Variants in CDH11 observed in about 807,000 individuals in gnomAD.
The protein encoded by CDH11 is cadherin-11.
CDH11 carries 11 observed loss-of-function variants against 67.8 expected under a neutral mutation model. The ratio of observed to expected loss-of-function variants is 0.16; its 90% confidence interval spans 0.10 to 0.27. The LOEUF (loss-of-function observed/expected upper bound fraction) is 0.27, where lower values mean the gene tolerates loss of function less well. Among genes scored for constraint, CDH11 ranks in the 10% least tolerant of loss-of-function variants. The probability of loss-of-function intolerance (pLI) is 1.00; values close to 1 mark genes in which losing one functional copy is unlikely to be tolerated. For missense variants in CDH11, 847 were observed against 1,031.2 expected (o/e 0.82, Z 2.45); for synonymous variants, 419 against 400.0 (o/e 1.05, Z -0.57).
intron 2 of CDH11, among the ~76,000 whole-genome samples, chr16:65,012,048 T>A (rs10500506): frequency 0.11 from 16,918 of 152,270 alleles, 1,167 homozygotes; most frequent in African/African-American, 0.19. Flanking sequence ...ACCTCCAATA[T>A]GTAGACTGTT....
At chr16:65,088,210 A>G (rs1406419139) in intron 1 of CDH11, among the ~76,000 whole-genome samples, 1 of 152,128 alleles carries the variant, frequency 6.6e-6, no homozygotes, top group South Asian at 2.1e-4. Context: ...CTCACCAGAC[A>G]CCGAATCAGC....
chr16:65,002,528 C>T (rs2072943279), intron 3 of CDH11, among the ~76,000 whole-genome samples: 3 of 152,216 alleles, frequency 2.0e-5, no homozygotes. Flanking sequence ...ATTTCCATTT[C>T]TCACGTCAAC....
intron 8 of CDH11, among the ~76,000 whole-genome samples, chr16:64,980,571 T>TG (rs1327931106): frequency 6.6e-6 from 1 of 152,140 alleles, no homozygotes; most frequent in Non-Finnish European, 1.5e-5. Flanking sequence ...GAGGAACATG[T>TG]GAAGTCCAGG....
chr16:65,100,079 C>T (rs144999125), intron 1 of CDH11, among the ~76,000 whole-genome samples: 138 of 152,242 alleles, frequency 9.1e-4, no homozygotes, highest in African/African-American at 3.2e-3. Flanking sequence ...TCAGTAGTAA[C>T]TGGCAATGGA....
chr16:65,021,876 G>GAAAAAAAAAAAAAAAA (rs35700448), intron 2 of CDH11, among the ~76,000 whole-genome samples: 2 of 109,838 alleles, frequency 1.8e-5, no homozygotes, highest in Non-Finnish European at 1.8e-5. Flanking sequence ...AAGTAACTCA[G>GAAAAAAAAAAAAAAAA]AAAAAAAAAA....
intron 11 of CDH11, among the ~76,000 whole-genome samples, chr16:64,958,877 C>G (rs1236623890): frequency 6.6e-6 from 1 of 152,140 alleles, no homozygotes; most frequent in African/African-American, 2.4e-5. Flanking sequence ...ATCAGGGGTA[C>G]TCATTCAACA....
Position 64,947,970 on chromosome 16 carries a change from G to C in CDH11, c.2024C>G (p.Ala675Gly), listed in dbSNP as rs776609272. ...ATTCTGGAGGGTGGCAATATCAAAG[G>C]CTTCTGTGTCTTCTTCCCCACCCCC... ...DEGGGEEDTE[A>G]FDIATLQNPD... is the part of the protein sequence containing the mutation. Residue 675 changes from alanine to glycine, a missense_variant, in exon 13 of 13, where the codon GCC becomes GGC. Physicochemically the swap from Ala to Gly is moderately conservative, Grantham distance 60. Around this residue, in one of 2 missense-constraint regions of CDH11, gnomAD observed 612 missense variants for 678.7 expected, o/e 0.90. Transcript: ENST00000268603. 18 of 1,613,998 alleles carry C rather than the reference G, an allele frequency of 1.1e-5. No individual in the cohort carries two copies. The highest frequency in any genetic ancestry group is 6.7e-5 in the East Asian group (3 of 44,886).
Position 65,121,198 on chromosome 16 carries a change from C to T in CDH11, c.-298+682G>A, listed in dbSNP as rs1279630259. Among the ~76,000 whole-genome samples, 1 of 152,206 alleles carries T rather than the reference C, an allele frequency of 6.6e-6. No homozygotes were observed. On this transcript the variant is annotated intron_variant, in intron 1 of 12. Transcript: ENST00000268603. The surrounding 1 kb of genome is among the most constrained non-coding windows in gnomAD (Gnocchi z 4.1). ...GCGCTGGTGGGAGCTTACAAACGGG[C>T]GCCAGAGCTCCCGCAGAGACTCGGG...
chr16:64,948,613 A>G, intron 12 of CDH11: 1 of 1,610,026 alleles, frequency 6.2e-7, no homozygotes, highest in Non-Finnish European at 8.5e-7. Context: ...TCTTACCGTA[A>G]GTGTGGTTGG....
chr16:65,018,444 C>T (rs1476535463), intron 2 of CDH11, among the ~76,000 whole-genome samples: 2 of 152,116 alleles, frequency 1.3e-5, no homozygotes, highest in Non-Finnish European at 2.9e-5. Context: ...TCTCACTGCA[C>T]TTATGGAAAT....
intron 3 of CDH11, among the ~76,000 whole-genome samples, chr16:64,999,517 A>T (rs554173611): frequency 1.1e-4 from 16 of 152,176 alleles, no homozygotes; most frequent in South Asian, 8.3e-4. Flanking sequence ...ATTATTTTTT[A>T]AAAAATTTTT....
chr16:64,974,922 A>C (rs927189282), intron 8 of CDH11, among the ~76,000 whole-genome samples: 2 of 152,184 alleles, frequency 1.3e-5, no homozygotes, highest in Non-Finnish European at 2.9e-5. Context: ...TATAAGCTAG[A>C]TGATATTGGA....
At chr16:65,051,643 G>A (rs1361121259) in intron 2 of CDH11, among the ~76,000 whole-genome samples, 1 of 152,136 alleles carries the variant, frequency 6.6e-6, no homozygotes, top group Non-Finnish European at 1.5e-5. Context: ...TAATCCCCAA[G>A]TGTGAAGGGA....
intron 2 of CDH11, among the ~76,000 whole-genome samples, chr16:65,026,623 A>G (rs1269581399): frequency 6.6e-6 from 1 of 152,150 alleles, no homozygotes; most frequent in African/African-American, 2.4e-5. Context: ...GGTTCCTGGA[A>G]TTTTTAGAGT....
intron 2 of CDH11, among the ~76,000 whole-genome samples, chr16:65,007,419 G>T (rs1303728539): frequency 1.3e-5 from 2 of 152,192 alleles, no homozygotes; most frequent in African/African-American, 4.8e-5. Context: ...GGAAAAGGCA[G>T]CGTCATCATT....
chr16:65,086,070 T>C (rs1196797252), intron 1 of CDH11, among the ~76,000 whole-genome samples: 1 of 151,874 alleles, frequency 6.6e-6, no homozygotes, highest in Admixed American at 6.6e-5. Flanking sequence ...ATTACCTTCC[T>C]GGTAGAACCA....
At chr16:65,024,987 C>G (rs912609141) in intron 2 of CDH11, among the ~76,000 whole-genome samples, 64 of 152,260 alleles carry the variant, frequency 4.2e-4, no homozygotes, top group African/African-American at 1.4e-3. Context: ...AAAATGAAAC[C>G]ATGTCTGATA....
At chr16:65,005,320 T>C (rs569398530) in intron 2 of CDH11, among the ~76,000 whole-genome samples, 1 of 152,304 alleles carries the variant, frequency 6.6e-6, no homozygotes, top group South Asian at 2.1e-4. Context: ...TCTGTTATAA[T>C]TGATCAAAAT....
At chr16:65,018,567 A>C (rs531554704) in intron 2 of CDH11, among the ~76,000 whole-genome samples, 11 of 152,210 alleles carry the variant, frequency 7.2e-5, no homozygotes, top group Non-Finnish European at 1.6e-4. Flanking sequence ...ACTTTTCTCA[A>C]TTGCTAGAAG....
Sources: gnomAD v4.1 joint callset for allele counts (sites outside exome capture counted in the v4.1 genomes callset) on GRCh38, gnomAD v4.1.1 for gene constraint, gnomAD v4.1.1 regional missense constraint, Gnocchi (gnomAD v3.1) non-coding constraint, MANE v1.5 for transcripts, NCBI Gene and HGNC (gene_info 2026-07-23, HGNC 2026-07-21) for gene names.